The following PRKCE variants were observed in gnomAD, a reference collection of about 807,000 sequenced individuals.
The protein encoded by PRKCE is protein kinase C epsilon type.
Under a neutral mutation model 85.4 loss-of-function variants are expected in PRKCE, and 16 were observed. That is an observed-to-expected ratio of 0.19 (90% confidence interval 0.13 to 0.28). The LOEUF is 0.28. Among genes scored for constraint, PRKCE ranks in the 10% least tolerant of loss-of-function variants. PRKCE has a pLI of 1.00. For missense variants in PRKCE, 573 were observed against 975.2 expected, an observed-to-expected ratio of 0.59 and a Z score of 5.49; for synonymous variants, 388 against 371.5, an observed-to-expected ratio of 1.04 and a Z score of -0.51.
rs113696580 is a variant in PRKCE at position 45,775,565 on chromosome 2, A to G, written c.349-67435A>G. On this transcript the variant is annotated intron_variant, in intron 1 of 14. Transcript: ENST00000306156. ...GTGGGAGCTGAAACTATTGCAAACTAGGAAACTTAGGGCCCAAGAAGAGAA... is the reference window on the plus strand; with the variant it reads ...GTGGGAGCTGAAACTATTGCAAACTGGGAAACTTAGGGCCCAAGAAGAGAA... 5.4e-3 allele frequency among the ~76,000 whole-genome samples: 822 copies of G among 152,290 alleles called. 8 individuals are homozygous for G. Among genetic ancestry groups the G allele is most frequent in the African/African-American group, 0.019 (784 of 41,554 alleles).
rs1558533875 is a variant in PRKCE at position 45,661,515 on chromosome 2, TG to T, written c.348+9068del. ...AAGAAGAGTTTTTTTTGTTTTGTTT[TG>T]TTTTTTGTTTTTTGTTTTTTTTTTT... On this transcript the variant is annotated intron_variant, in intron 1 of 14. Coordinates refer to ENST00000306156, the MANE Select transcript of PRKCE (RefSeq NM_005400.3). Among the ~76,000 whole-genome samples the T allele has an allele frequency of 5.9e-3, 749 of 126,140 alleles. 27 individuals are homozygous for T. Among genetic ancestry groups the T allele is most frequent in the African/African-American group, 0.022 (720 of 33,458 alleles). 82.8% of individuals were successfully genotyped at this position (126,140 alleles called of 152,430 possible). A position where few individuals can be genotyped will look rare whatever the true frequency, so the allele number is the denominator to read the frequency against.
chr2:46,094,476 A>G (rs1441931852), intron 11 of PRKCE, among the ~76,000 whole-genome samples: 1 of 152,224 alleles, frequency 6.6e-6, no homozygotes, highest in Non-Finnish European at 1.5e-5. Context: ...TGTCCTTTGC[A>G]GGGACATAGG....
chr2:45,802,092 A>C (rs889678703), intron 1 of PRKCE, among the ~76,000 whole-genome samples: 1 of 151,676 alleles, frequency 6.6e-6, no homozygotes, highest in Non-Finnish European at 1.5e-5. Context: ...TTAAAAAAAA[A>C]AAAAAAAAAA....
At chr2:46,108,955 C>A (rs1332946514) in intron 11 of PRKCE, among the ~76,000 whole-genome samples, 1 of 126,406 alleles carries the variant, frequency 7.9e-6, no homozygotes, top group Non-Finnish European at 1.9e-5. Flanking sequence ...GTTGTCAAGA[C>A]TGTTCTTTTT....
intron 2 of PRKCE, among the ~76,000 whole-genome samples, chr2:45,859,037 T>A (rs1015339616): frequency 2.3e-4 from 29 of 128,194 alleles, no homozygotes; most frequent in Non-Finnish European, 3.7e-4. Flanking sequence ...CAGGACTCCA[T>A]CTCTAAATAA....
intron 10 of PRKCE, among the ~76,000 whole-genome samples, chr2:46,025,963 T>C (rs545199888): frequency 1.3e-5 from 2 of 152,270 alleles, no homozygotes; most frequent in Admixed American, 6.5e-5. Context: ...TGGAAGTCAG[T>C]ACCTGGTAGA....
chr2:45,893,212 G>C (rs1695866878), intron 2 of PRKCE, among the ~76,000 whole-genome samples: 1 of 152,186 alleles, frequency 6.6e-6, no homozygotes, highest in South Asian at 2.1e-4. Flanking sequence ...AGAGAACTTG[G>C]GGAGATTTGG....
chr2:45,899,798 G>GCC (rs1354021537), intron 2 of PRKCE, among the ~76,000 whole-genome samples: 1 of 152,198 alleles, frequency 6.6e-6, no homozygotes, highest in Non-Finnish European at 1.5e-5. Context: ...AGTTCCACTT[G>GCC]CTGTTGACCA....
chr2:45,927,150 G>A (rs1458102495), intron 2 of PRKCE, among the ~76,000 whole-genome samples: 9 of 152,030 alleles, frequency 5.9e-5, no homozygotes, highest in Non-Finnish European at 1.3e-4. Context: ...GAGTGTGCAC[G>A]GGACACAGGA....
At chr2:45,937,277 C>T (rs1201644612) in intron 2 of PRKCE, among the ~76,000 whole-genome samples, 2 of 152,216 alleles carry the variant, frequency 1.3e-5, no homozygotes. Flanking sequence ...AGCTGTGTCC[C>T]TTGGTCTGCC....
At chr2:45,957,390 C>A (rs1348071258) in intron 2 of PRKCE, among the ~76,000 whole-genome samples, 1 of 152,180 alleles carries the variant, frequency 6.6e-6, no homozygotes, top group African/African-American at 2.4e-5. Flanking sequence ...CATTCACTTG[C>A]CTTTGCACCT....
chr2:45,986,820 C>G (rs1703366096), intron 6 of PRKCE, among the ~76,000 whole-genome samples: 1 of 152,034 alleles, frequency 6.6e-6, no homozygotes, highest in Admixed American at 6.6e-5. Flanking sequence ...TTCCACTTCC[C>G]CGTTGGAGTA....
chr2:45,836,961 G>A (rs1690932204), intron 1 of PRKCE, among the ~76,000 whole-genome samples: 1 of 152,198 alleles, frequency 6.6e-6, no homozygotes, highest in Non-Finnish European at 1.5e-5. Flanking sequence ...TGACCTTTGT[G>A]GGCTGTCCCA....
chr2:45,931,022 T>C (rs1190532598), intron 2 of PRKCE, among the ~76,000 whole-genome samples: 4 of 152,194 alleles, frequency 2.6e-5, no homozygotes, highest in African/African-American at 4.8e-5. Flanking sequence ...TTCATCCTTA[T>C]ACCAACTCTG....
intron 1 of PRKCE, among the ~76,000 whole-genome samples, chr2:45,752,016 A>C (rs982311419): frequency 1.3e-5 from 2 of 148,808 alleles, no homozygotes; most frequent in Admixed American, 1.3e-4. Flanking sequence ...ACGGGGTTTC[A>C]CCGTTTTAGC....
chr2:45,759,914 C>G (rs1302033583), intron 1 of PRKCE, among the ~76,000 whole-genome samples: 1 of 152,148 alleles, frequency 6.6e-6, no homozygotes, highest in African/African-American at 2.4e-5. Context: ...CTTTGAGTTT[C>G]TAATGTGTAG....
At chr2:46,013,200 A>T (rs1402798030) in intron 10 of PRKCE, among the ~76,000 whole-genome samples, 2 of 152,216 alleles carry the variant, frequency 1.3e-5, no homozygotes, top group Non-Finnish European at 2.9e-5. Flanking sequence ...AACTTTTTAA[A>T]AATGTGACTT....
intron 10 of PRKCE, among the ~76,000 whole-genome samples, chr2:46,076,279 C>A (rs557130770): frequency 6.6e-6 from 1 of 152,280 alleles, no homozygotes; most frequent in South Asian, 2.1e-4. Flanking sequence ...GGGGGCTGCT[C>A]CATTTGTGCT....
chr2:46,099,500 ATTT>A (rs56086039), intron 11 of PRKCE, among the ~76,000 whole-genome samples: 18 of 146,640 alleles, frequency 1.2e-4, no homozygotes, highest in East Asian at 2.0e-4. Context: ...AAGGTATGGT[ATTT>A]TTTTTTTTTT....
Sources: gnomAD v4.1 joint callset for allele counts (sites outside exome capture counted in the v4.1 genomes callset) on GRCh38, gnomAD v4.1.1 for gene constraint, MANE v1.5 for transcripts, NCBI Gene and HGNC (gene_info 2026-07-23, HGNC 2026-07-21) for gene names.